Variants in NELL1 observed in about 807,000 individuals in gnomAD.
The protein encoded by NELL1 is protein kinase C-binding protein NELL1.
A neutral mutation model predicts 107.4 loss-of-function variants in NELL1; 76 were observed. That is an observed-to-expected ratio of 0.71 (90% CI 0.59 to 0.86). The LOEUF is 0.86. NELL1 is among the 40% of genes least tolerant of loss of function. NELL1 has a pLI of 0.00. For synonymous variants in NELL1, 353 were observed against 341.2 expected (o/e 1.03, Z -0.38); for missense variants, 1,024 against 1,005.5 (o/e 1.02, Z -0.25).
chr11:21,342,826 A>G (rs930296314), intron 14 of NELL1, among the ~76,000 whole-genome samples: 4 of 151,976 alleles, frequency 2.6e-5, no homozygotes, highest in Non-Finnish European at 4.4e-5. Context: ...TCTTTTTCTT[A>G]TTACATTCAG....
chr11:21,100,617 T>C (rs1202284637), intron 12 of NELL1, among the ~76,000 whole-genome samples: 1 of 152,160 alleles, frequency 6.6e-6, no homozygotes, highest in African/African-American at 2.4e-5. Context: ...TCCAAGGAAC[T>C]GAAAGCAGAC....
At chr11:20,701,302 G>A (rs980546445) in intron 2 of NELL1, among the ~76,000 whole-genome samples, 3 of 152,068 alleles carry the variant, frequency 2.0e-5, no homozygotes, top group East Asian at 1.9e-4. Flanking sequence ...CTGCATAAAT[G>A]TCTTCTTTTG....
At chr11:21,571,042 C>G in intron 18 of NELL1, 102 bp downstream of exon 18, 2 of 1,071,556 alleles carry the variant, frequency 1.9e-6, no homozygotes, top group Middle Eastern at 3.2e-4. Context: ...TAATACTATA[C>G]AGGGAGCTCT....
intron 4 of NELL1, among the ~76,000 whole-genome samples, chr11:20,875,940 G>C (rs1053834391): frequency 3.3e-5 from 5 of 152,180 alleles, no homozygotes; most frequent in Admixed American, 2.0e-4. Flanking sequence ...GTCACACGCA[G>C]GCTTGATCTC....
intron 15 of NELL1, among the ~76,000 whole-genome samples, chr11:21,444,357 G>A (rs928325146): frequency 3.3e-5 from 5 of 151,948 alleles, no homozygotes; most frequent in African/African-American, 1.2e-4. Context: ...TACAATTTCT[G>A]GAAGTGAAAT....
chr11:20,727,517 A>G (rs1590238146), intron 2 of NELL1, among the ~76,000 whole-genome samples: 1 of 152,060 alleles, frequency 6.6e-6, no homozygotes, highest in Non-Finnish European at 1.5e-5. Context: ...AGATGGGTAG[A>G]TTGTAAAATT....
At chr11:21,229,055 G>A (rs1313832720) in intron 13 of NELL1, among the ~76,000 whole-genome samples, 3 of 152,112 alleles carry the variant, frequency 2.0e-5, no homozygotes, top group Non-Finnish European at 4.4e-5. Context: ...TTTTTAGAAG[G>A]TGGAAGAAAC....
At chr11:20,676,510 C>G (rs1291334927) in intron 1 of NELL1, among the ~76,000 whole-genome samples, 1 of 151,678 alleles carries the variant, frequency 6.6e-6, no homozygotes, top group Admixed American at 6.6e-5. Context: ...ATCTTCAGTT[C>G]AGGGGACAAG....
chr11:21,566,380 C>A (rs1856973442), intron 17 of NELL1, among the ~76,000 whole-genome samples: 1 of 151,712 alleles, frequency 6.6e-6, no homozygotes, highest in Non-Finnish European at 1.5e-5. Flanking sequence ...TACTGAAATA[C>A]TGACTATTCC....
chr11:21,554,228 TTTC>T (rs2133993798), intron 16 of NELL1, among the ~76,000 whole-genome samples: 1 of 152,002 alleles, frequency 6.6e-6, no homozygotes, highest in Non-Finnish European at 1.5e-5. Context: ...AGAAGAAACT[TTTC>T]TTCGTCTACA....
chr11:21,362,816 C>G (rs560523950), intron 14 of NELL1, among the ~76,000 whole-genome samples: 2 of 152,152 alleles, frequency 1.3e-5, no homozygotes, highest in South Asian at 2.1e-4. Flanking sequence ...GAGGCTTACG[C>G]AAGTCTTGGC....
At chr11:21,469,201 T>C (rs144429622) in intron 15 of NELL1, among the ~76,000 whole-genome samples, 46 of 152,190 alleles carry the variant, frequency 3.0e-4, no homozygotes, top group African/African-American at 1.1e-3. Flanking sequence ...TTTTCAGGAC[T>C]AACATAACAT....
At chr11:21,517,467 C>T (rs1855594975) in intron 15 of NELL1, among the ~76,000 whole-genome samples, 2 of 152,182 alleles carry the variant, frequency 1.3e-5, no homozygotes, top group Admixed American at 1.3e-4. Context: ...TTGGGCAGAA[C>T]ATGTACGCTC....
intron 14 of NELL1, among the ~76,000 whole-genome samples, chr11:21,257,546 C>T (rs1337710483): frequency 6.6e-6 from 1 of 151,822 alleles, no homozygotes; most frequent in East Asian, 1.9e-4. Context: ...CTTGAGACAA[C>T]CTAGTATGTC....
At chr11:20,734,583 T>TCAAGA (rs1855718702) in intron 2 of NELL1, among the ~76,000 whole-genome samples, 1 of 152,240 alleles carries the variant, frequency 6.6e-6, no homozygotes, top group Middle Eastern at 3.4e-3. Flanking sequence ...TCCTGAGGAA[T>TCAAGA]CAAGACTGCA....
At chr11:20,731,206 C>T (rs1855631300) in intron 2 of NELL1, among the ~76,000 whole-genome samples, 1 of 152,188 alleles carries the variant, frequency 6.6e-6, no homozygotes, top group Admixed American at 6.5e-5. Context: ...TTATATGGGG[C>T]ACCCAGGGCT....
intron 12 of NELL1, among the ~76,000 whole-genome samples, chr11:21,088,685 C>T (rs960050312): frequency 3.9e-5 from 6 of 152,122 alleles, no homozygotes; most frequent in African/African-American, 9.7e-5. Flanking sequence ...TTTCTTACCA[C>T]GAACTGCTAT....
intron 15 of NELL1, among the ~76,000 whole-genome samples, chr11:21,383,269 C>T (rs555709524): frequency 3.4e-5 from 3 of 87,992 alleles, no homozygotes; most frequent in African/African-American, 8.8e-5. Flanking sequence ...AAGCAGTATT[C>T]GGTTTTTTTG....
At chr11:21,213,440 T>A (rs1857545505) in intron 13 of NELL1, among the ~76,000 whole-genome samples, 1 of 152,110 alleles carries the variant, frequency 6.6e-6, no homozygotes, top group Non-Finnish European at 1.5e-5. Flanking sequence ...TATTAAGGAT[T>A]TTTTTATAGA....
Sources: allele counts gnomAD v4.1 joint callset (sites outside exome capture counted in the v4.1 genomes callset), GRCh38; gene constraint gnomAD v4.1.1; transcripts MANE v1.5; gene names NCBI Gene and HGNC (gene_info 2026-07-23, HGNC 2026-07-21).